Variants in MYO1E observed in about 807,000 individuals in gnomAD.
MYO1E encodes the protein myosin IE.
MYO1E carries 68 observed loss-of-function variants against 151.1 expected under a neutral mutation model. The observed-to-expected ratio is 0.45, with a 90% CI of 0.37 to 0.55. MYO1E has a LOEUF of 0.55. MYO1E is among the 20% of genes least tolerant of loss of function. The probability of loss-of-function intolerance (pLI) is 0.00; values close to 1 mark genes in which losing one functional copy is unlikely to be tolerated. For missense variants in MYO1E, 1,363 were observed against 1,389.3 expected (o/e 0.98, Z 0.30); for synonymous variants, 601 against 501.7 (o/e 1.20, Z -2.64).
Position 59,277,562 on chromosome 15 carries a change from A to C in MYO1E, c.4-5113T>G, listed in dbSNP as rs1175513425. Among the ~76,000 whole-genome samples, 238 of 137,004 alleles carry C rather than the reference A, an allele frequency of 1.7e-3. 1 individual carries two copies. The highest frequency in any genetic ancestry group is 5.7e-3 in the Admixed American group (80 of 14,152). 89.9% of individuals were successfully genotyped at this position (137,004 alleles called of 152,430 possible). A position where few individuals can be genotyped will look rare whatever the true frequency, so the allele number is the denominator to read the frequency against. On this transcript the variant is annotated intron_variant, in intron 1 of 27. Coordinates refer to ENST00000288235, the MANE Select transcript of MYO1E (RefSeq NM_004998.4). ...CCATCCCCCCACAAAAAAAAAAAAA[A>C]AAAAAAAAAAACATCAAAGCCTCAT...
At chr15:59,292,792 T>A (rs2140397899) in intron 1 of MYO1E, among the ~76,000 whole-genome samples, 1 of 152,348 alleles carries the variant, frequency 6.6e-6, no homozygotes, top group South Asian at 2.1e-4. Flanking sequence ...GTCTTTCTTA[T>A]CTGAACATAG....
intron 4 of MYO1E, among the ~76,000 whole-genome samples, chr15:59,244,464 T>C (rs2080117600): frequency 6.6e-6 from 1 of 152,206 alleles, no homozygotes; most frequent in Non-Finnish European, 1.5e-5. Flanking sequence ...AATTCCCAAT[T>C]TATAGATGAA....
At chr15:59,236,396 AC>A (rs2080065832) in intron 5 of MYO1E, among the ~76,000 whole-genome samples, 188 bp downstream of exon 5, 1 of 142,218 alleles carries the variant, frequency 7.0e-6, no homozygotes, top group African/African-American at 2.5e-5. Flanking sequence ...ACACACACAC[AC>A]ACACACACAC....
At chr15:59,194,415 A>G (rs755906904) in intron 17 of MYO1E, among the ~76,000 whole-genome samples, 2 of 152,336 alleles carry the variant, frequency 1.3e-5, no homozygotes, top group Non-Finnish European at 1.5e-5. Context: ...ATCAGGCATC[A>G]TCTATCTGCC....
chr15:59,248,817 G>C (rs1490759752), intron 4 of MYO1E, among the ~76,000 whole-genome samples: 2 of 152,188 alleles, frequency 1.3e-5, no homozygotes, highest in Non-Finnish European at 2.9e-5. Flanking sequence ...GCTGTGAGCT[G>C]ATTTAGCAAA....
intron 1 of MYO1E, among the ~76,000 whole-genome samples, chr15:59,335,584 G>A (rs770791930): frequency 1.1e-4 from 16 of 152,108 alleles, no homozygotes; most frequent in Non-Finnish European, 2.2e-4. Flanking sequence ...AAAAGTACAA[G>A]AGACCCGGCC....
intron 4 of MYO1E, among the ~76,000 whole-genome samples, chr15:59,250,504 G>C (rs905644090): frequency 6.6e-6 from 1 of 152,076 alleles, no homozygotes; most frequent in African/African-American, 2.4e-5. Flanking sequence ...CCCAGACCTC[G>C]CCCTCAACCT....
intron 12 of MYO1E, among the ~76,000 whole-genome samples, chr15:59,213,633 A>ATT (rs55755740): frequency 3.2e-4 from 48 of 149,702 alleles, no homozygotes; most frequent in Admixed American, 1.1e-3. Flanking sequence ...TAATTATTTT[A>ATT]TTTTTTTTGT....
rs375007200 is a variant in MYO1E at position 59,236,046 on chromosome 15, T to C, written c.420+539A>G. Among the ~76,000 whole-genome samples, 13 of 152,150 alleles carry C rather than the reference T, an allele frequency of 8.5e-5. No homozygotes were observed. In the East Asian group the frequency reaches 1.3e-3, roughly 16 times the overall value. On this transcript the variant is annotated intron_variant, in intron 5 of 27. Coordinates refer to ENST00000288235, the MANE Select transcript of MYO1E (RefSeq NM_004998.4). ...TTTTTATTGATTTGTAGGAGTTCAT[T>C]ATATATTAGGCACATCTACCTTAAA...
intron 6 of MYO1E, among the ~76,000 whole-genome samples, chr15:59,230,433 T>G (rs1170973228): frequency 6.6e-6 from 1 of 151,846 alleles, no homozygotes; most frequent in Admixed American, 6.6e-5. Context: ...ATTTAATTGT[T>G]TTTTTTTTCT....
chr15:59,272,312 G>A lies in MYO1E; in HGVS notation c.141C>T (p.Tyr47=). ...AGCAGCCAATAAAGGATACAAAAAT[G>A]TAGTCATCCATGTATCTCTTCTTCA... ...ENLKKRYMDD[Y]IFTYIGSVLI... The change falls in exon 2 of 28, where the codon TAC becomes TAT. Residue 47 remains tyrosine (Y), a synonymous_variant. Coordinates refer to ENST00000288235, the MANE Select transcript of MYO1E (RefSeq NM_004998.4). 6.2e-7 allele frequency: 1 copy of A among 1,614,074 alleles called. No homozygotes were observed.
rs145396251 is a variant in MYO1E at position 59,306,078 on chromosome 15, TG to T, written c.4-33630del. On this transcript the variant is annotated intron_variant, in intron 1 of 27. Coordinates refer to ENST00000288235, the MANE Select transcript of MYO1E (RefSeq NM_004998.4). ...GTAATTACAGCTGCATATTCTCAGG[TG>T]GGCATTTTTCTATTTAAATGCGATA... Among the ~76,000 whole-genome samples, 24 of 152,338 alleles carry T rather than the reference TG, an allele frequency of 1.6e-4. No homozygotes were observed. In the East Asian group the frequency reaches 4.6e-3, roughly 29 times the overall value.
chr15:59,272,977 T>C (rs1227243142), intron 1 of MYO1E, among the ~76,000 whole-genome samples: 1 of 152,240 alleles, frequency 6.6e-6, no homozygotes, highest in Non-Finnish European at 1.5e-5. Flanking sequence ...GGTCATAATT[T>C]CTCAAGTCAT....
chr15:59,338,284 C>CTTTTTT (rs35457560), intron 1 of MYO1E, among the ~76,000 whole-genome samples: 1 of 128,672 alleles, frequency 7.8e-6, no homozygotes, highest in African/African-American at 2.8e-5. Flanking sequence ...TCAGTATTGA[C>CTTTTTT]TTTTTTTTTT....
intron 12 of MYO1E, among the ~76,000 whole-genome samples, chr15:59,211,836 T>C (rs183634831): frequency 1.9e-3 from 283 of 152,268 alleles, no homozygotes; most frequent in South Asian, 0.01. Context: ...CCTACACTGC[T>C]ACCATGGCCG....
At chr15:59,244,379 T>C (rs779006892) in intron 4 of MYO1E, among the ~76,000 whole-genome samples, 33 of 152,256 alleles carry the variant, frequency 2.2e-4, no homozygotes, top group Non-Finnish European at 4.3e-4. Flanking sequence ...TCTTTTACAT[T>C]ACTCTTTAAG....
At chr15:59,177,563 A>C (rs1435589752) in intron 19 of MYO1E, among the ~76,000 whole-genome samples, 2 of 152,188 alleles carry the variant, frequency 1.3e-5, no homozygotes, top group African/African-American at 4.8e-5. Flanking sequence ...GCCTTGAGAA[A>C]CGATGATGCT....
chr15:59,265,792 TA>T (rs59957325), intron 2 of MYO1E, among the ~76,000 whole-genome samples: 1,828 of 106,280 alleles, frequency 0.017, 43 homozygotes, highest in African/African-American at 0.047. Context: ...CCCATCTCCT[TA>T]AAAAAAAAAA....
chr15:59,208,595 G>A (rs1407711709), intron 14 of MYO1E, 86 bp downstream of exon 14: 39 of 1,478,724 alleles, frequency 2.6e-5, no homozygotes, highest in Middle Eastern at 1.7e-4. Flanking sequence ...AAAATACGGC[G>A]AGCCATATGA....
Sources: allele counts gnomAD v4.1 joint callset (sites outside exome capture counted in the v4.1 genomes callset), GRCh38; gene constraint gnomAD v4.1.1; transcripts MANE v1.5; gene names NCBI Gene and HGNC (gene_info 2026-07-23, HGNC 2026-07-21).